PAPPA2: variants seen among roughly 807,000 people sequenced by gnomAD.
The protein encoded by PAPPA2 is pappalysin 2, also known as pappalysin-2.
In PAPPA2, 86 loss-of-function variants were observed where a neutral mutation model predicts 176.4. That is an observed-to-expected ratio of 0.49 (90% CI 0.41 to 0.58). The LOEUF (loss-of-function observed/expected upper bound fraction) is 0.58. Ranked by LOEUF, PAPPA2 falls within the 20% of genes least tolerant of loss-of-function variation. PAPPA2 has a pLI of 0.00. For missense variants in PAPPA2, 2,073 were observed against 2,256.9 expected (o/e 0.92, Z 1.65); for synonymous variants, 809 against 852.2 (o/e 0.95, Z 0.88).
At chr1:176,786,197 C>T (rs529069481) in intron 17 of PAPPA2, among the ~76,000 whole-genome samples, 1 of 152,186 alleles carries the variant, frequency 6.6e-6, no homozygotes, top group African/African-American at 2.4e-5. Flanking sequence ...GAGCTGCAAA[C>T]CCTTAATTGA....
intron 8 of PAPPA2, among the ~76,000 whole-genome samples, chr1:176,701,851 C>A (rs374200462): frequency 5.3e-5 from 8 of 152,234 alleles, no homozygotes; most frequent in African/African-American, 1.7e-4. Context: ...TCTTTGGGAC[C>A]AGAAGCTCTC....
chr1:176,524,966 T>A (rs1348842174), intron 1 of PAPPA2, among the ~76,000 whole-genome samples: 2 of 152,040 alleles, frequency 1.3e-5, no homozygotes, highest in African/African-American at 4.8e-5. Context: ...AGCGTGAATC[T>A]GGGAGGCGGA....
intron 14 of PAPPA2, among the ~76,000 whole-genome samples, chr1:176,752,297 C>A: frequency 9.0e-6 from 1 of 111,308 alleles, no homozygotes; most frequent in African/African-American, 3.6e-5. Flanking sequence ...ACATATGTAA[C>A]TAACCTGCAC....
At chr1:176,498,640 C>T (rs973073860) in intron 1 of PAPPA2, among the ~76,000 whole-genome samples, 11 of 151,930 alleles carry the variant, frequency 7.2e-5, no homozygotes, top group African/African-American at 2.7e-4. Context: ...GTCCCAGCTA[C>T]TCCAGAGGCT....
chr1:176,528,699 T>C (rs916742453), intron 1 of PAPPA2, among the ~76,000 whole-genome samples: 6 of 152,196 alleles, frequency 3.9e-5, no homozygotes, highest in Non-Finnish European at 1.5e-5. Context: ...TTTCTTAGTC[T>C]CACATTCAAG....
chr1:176,690,829 G>C (rs1268621788), intron 5 of PAPPA2: 1 of 1,003,098 alleles, frequency 1.0e-6, no homozygotes, highest in Non-Finnish European at 1.2e-6. Context: ...TATGGGTCAA[G>C]GTGGCCCATT....
rs201599118 is a variant in PAPPA2 at position 176,837,492 on chromosome 1, A to C, written c.5203-2681A>C. Among the ~76,000 whole-genome samples, 252 of 152,104 alleles carry C rather than the reference A, an allele frequency of 1.7e-3. 6 individuals are homozygous for C. In the East Asian group the frequency reaches 0.044, roughly 26 times the overall value. On this transcript the variant is annotated intron_variant, in intron 21 of 22. Transcript: ENST00000367662. ...TTGTTAAAAGGCAAAAAAAAAAAAA[A>C]AAAAAAACGGGTGTTTTATAAAGAT... is the stretch of plus-strand genomic sequence containing the variant.
At chr1:176,685,319 A>G (rs1350171827) in intron 4 of PAPPA2, among the ~76,000 whole-genome samples, 1 of 152,206 alleles carries the variant, frequency 6.6e-6, no homozygotes, top group African/African-American at 2.4e-5. Context: ...TAAACAGATC[A>G]GTAAACAGCC....
At position 176,595,110 on chromosome 1, in the gene PAPPA2, A is replaced by C. The variant is rs369811464; in HGVS notation, c.1506A>C (p.Thr502=). 6.2e-6 allele frequency: 10 copies of C among 1,614,118 alleles called. No homozygotes were observed. Among genetic ancestry groups the C allele is most frequent in the Non-Finnish European group, 7.6e-6 (9 of 1,180,004 alleles). ...SPLQPPLCGQ[T]VCDNVELISQ... ...TGCAGCCCCCACTCTGTGGGCAAACAGTCTGTGACAATGTGGAATTGATCT... is the reference window on the plus strand; with the variant it reads ...TGCAGCCCCCACTCTGTGGGCAAACCGTCTGTGACAATGTGGAATTGATCT... Residue 502 remains threonine (T), a synonymous_variant, in exon 3 of 23, where the codon ACA becomes ACC. Transcript: ENST00000367662.
At chr1:176,704,989 A>G (rs1317251073) in intron 9 of PAPPA2, among the ~76,000 whole-genome samples, 1 of 152,224 alleles carries the variant, frequency 6.6e-6, no homozygotes, top group Non-Finnish European at 1.5e-5. Context: ...AAGATGATAC[A>G]TAGCATGCTT....
intron 1 of PAPPA2, among the ~76,000 whole-genome samples, chr1:176,507,608 A>G (rs1370561771): frequency 2.0e-5 from 3 of 152,228 alleles, no homozygotes; most frequent in African/African-American, 7.2e-5. Context: ...CAGCCATAAG[A>G]AAGAATGAAA....
intron 14 of PAPPA2, among the ~76,000 whole-genome samples, chr1:176,747,914 A>T (rs1006436396): frequency 6.6e-5 from 10 of 152,040 alleles, no homozygotes; most frequent in African/African-American, 2.4e-4. Flanking sequence ...TTGCACAGAA[A>T]CCACCCTTAC....
rs1459689646 is a variant in PAPPA2, at chr1:176,793,593, C to A, written c.5054C>A (p.Pro1685His). Residue 1685 changes from proline (P) to histidine (H), a missense_variant, in exon 20 of 23, where the codon CCC (proline) becomes CAC (histidine). Pro to His is a moderately conservative substitution (Grantham distance 77, BLOSUM62 -2). Transcript: ENST00000367662. ...AVCSPLCVIP[P>H]SDPVMLPENI... ...TGTTCCCCATTGTGTGTAATCCCCC[C>A]CAGTGACCCCGTGATGCTACCTGAG... 6.2e-7 allele frequency: 1 copy of A among 1,613,118 alleles called. No individual in the cohort carries two copies. Among genetic ancestry groups the A allele is most frequent in the East Asian group, 2.2e-5 (1 of 44,854 alleles).
intron 1 of PAPPA2, among the ~76,000 whole-genome samples, chr1:176,552,124 T>C (rs1650994324): frequency 6.6e-6 from 1 of 152,142 alleles, no homozygotes; most frequent in Non-Finnish European, 1.5e-5. Flanking sequence ...GATTTCTTTA[T>C]GTTTAATCAT....
At chr1:176,726,527 A>C (rs1311261908) in intron 12 of PAPPA2, among the ~76,000 whole-genome samples, 5 of 152,236 alleles carry the variant, frequency 3.3e-5, no homozygotes, top group Non-Finnish European at 5.9e-5. Flanking sequence ...CTTTTATGAC[A>C]CAGAATAGAG....
chr1:176,762,093 G>T (rs868039123), intron 14 of PAPPA2, among the ~76,000 whole-genome samples: 8 of 152,030 alleles, frequency 5.3e-5, no homozygotes, highest in African/African-American at 1.9e-4. Context: ...GTCTACAATT[G>T]GTACCAGATG....
intron 14 of PAPPA2, among the ~76,000 whole-genome samples, chr1:176,745,807 A>G (rs1469405740): frequency 6.6e-6 from 1 of 152,204 alleles, no homozygotes; most frequent in Admixed American, 6.5e-5. Context: ...GAGGTTCTAC[A>G]GAATGGAATG....
intron 2 of PAPPA2, among the ~76,000 whole-genome samples, chr1:176,587,876 C>A (rs147364930): frequency 2.6e-5 from 4 of 152,222 alleles, no homozygotes; most frequent in Non-Finnish European, 4.4e-5. Flanking sequence ...CACATGTACC[C>A]TAGAAATTAA....
chr1:176,531,272 G>A (rs145660514), intron 1 of PAPPA2, among the ~76,000 whole-genome samples: 182 of 152,316 alleles, frequency 1.2e-3, no homozygotes, highest in African/African-American at 4.0e-3. Flanking sequence ...CCTGTGGGAT[G>A]TTCAAGGTTC....
Sources: allele counts gnomAD v4.1 joint callset (sites outside exome capture counted in the v4.1 genomes callset), GRCh38; gene constraint gnomAD v4.1.1; transcripts MANE v1.5; gene names NCBI Gene and HGNC (gene_info 2026-07-23, HGNC 2026-07-21).